Variants in MYH9 observed in about 807,000 individuals in gnomAD.
MYH9 encodes the protein myosin heavy chain 9, also known as myosin-9.
In MYH9, 29 loss-of-function variants were observed where a neutral mutation model predicts 241.9. That is an observed-to-expected ratio of 0.12 (90% CI 0.09 to 0.16). The LOEUF (loss-of-function observed/expected upper bound fraction) is 0.16. Among genes scored for constraint, MYH9 ranks in the 10% least tolerant of loss-of-function variants. MYH9 has a pLI of 1.00. For synonymous variants in MYH9, 1,047 were observed against 1,062.6 expected, an observed-to-expected ratio of 0.99 and a Z score of 0.29; for missense variants, 1,803 against 2,595.5, an observed-to-expected ratio of 0.69 and a Z score of 6.63.
Position 36,319,527 on chromosome 22 carries a change from C to A in MYH9, c.1108+13G>T. 1 of 1,613,366 alleles carries A rather than the reference C, an allele frequency of 6.2e-7. No homozygotes were observed. The highest frequency in any genetic ancestry group is 8.5e-7 in the Non-Finnish European group (1 of 1,179,324). ...CTGCCCCATTATTTCCAGCGAGAGG[C>A]CCCGGGTGTTACCTGTGTTGTCGGG... On this transcript the variant is annotated intron_variant, in intron 10 of 40. Transcript: ENST00000216181.
At chr22:36,358,450 T>C (rs1299827853) in intron 1 of MYH9, among the ~76,000 whole-genome samples, 2 of 152,132 alleles carry the variant, frequency 1.3e-5, no homozygotes, top group Non-Finnish European at 2.9e-5. Context: ...GACAGCCGGA[T>C]TATTTCCCGC....
rs1001258445 is a variant in MYH9 at position 36,282,614 on chromosome 22, G to A, written c.*54C>T. 2 of 1,533,382 alleles carry A rather than the reference G, an allele frequency of 1.3e-6. No homozygotes were observed. Among genetic ancestry groups the A allele is most frequent in the African/African-American group, 2.7e-5 (2 of 73,360 alleles). 95.0% of individuals were successfully genotyped at this position (1,533,382 alleles called of 1,614,324 possible). On this transcript the variant is annotated 3_prime_UTR_variant, in exon 41 of 41. Transcript: ENST00000216181. ...AGAGGCGTGCTGCGGGGTCTGGGAA[G>A]GGGAGGCTGTGGTGTCTGTCTGTCC... is the stretch of plus-strand genomic sequence containing the variant.
Position 36,300,080 on chromosome 22 carries a change from T to A in MYH9, c.2976+47A>T. 1 of 1,603,758 alleles carries A rather than the reference T, an allele frequency of 6.2e-7. No individual in the cohort carries two copies. Among genetic ancestry groups the A allele is most frequent in the Non-Finnish European group, 8.5e-7 (1 of 1,179,868 alleles). ...CTGCAAGGGTGACCACACTCTCCCA[T>A]CCACGGCGCCCCTGGAGCAGCGGCA... On this transcript the variant is annotated intron_variant, in intron 23 of 40. Transcript: ENST00000216181. The surrounding 1 kb of genome is among the most constrained non-coding windows in gnomAD (Gnocchi z 5.0).
chr22:36,380,722 C>T (rs560472825), intron 1 of MYH9, among the ~76,000 whole-genome samples: 1 of 151,836 alleles, frequency 6.6e-6, no homozygotes, highest in Non-Finnish European at 1.5e-5. Flanking sequence ...GCCTGGGCAA[C>T]AGAGTGAGAC....
At position 36,305,178 on chromosome 22, in the gene MYH9, T is replaced by C. The variant is rs1206033898; in HGVS notation, c.2160-76A>G. On this transcript the variant is annotated intron_variant, in intron 17 of 40. Transcript: ENST00000216181. The surrounding 1 kb of genome is among the most constrained non-coding windows in gnomAD (Gnocchi z 4.7). Reference sequence around the variant, plus strand: ...CATGCCTGGAATATAGGCGAGAGATTAACATCATTTCTACAATGCAACAGA... The same window carrying C: ...CATGCCTGGAATATAGGCGAGAGATCAACATCATTTCTACAATGCAACAGA... 2 of 1,249,710 alleles carry C rather than the reference T, an allele frequency of 1.6e-6. No homozygotes were observed. The highest frequency in any genetic ancestry group is 2.4e-6 in the Non-Finnish European group (2 of 850,932). The allele number at this position is 1,249,710 out of a possible 1,614,324, so 77.4% of individuals were successfully genotyped here.
At chr22:36,376,086 C>A (rs1199865964) in intron 1 of MYH9, among the ~76,000 whole-genome samples, 1 of 150,476 alleles carries the variant, frequency 6.6e-6, no homozygotes, top group African/African-American at 2.4e-5. Context: ...CTCAGCCACT[C>A]CAGTAGCAGG....
At chr22:36,309,955 A>C (rs1201502175) in intron 14 of MYH9, among the ~76,000 whole-genome samples, 1 of 152,164 alleles carries the variant, frequency 6.6e-6, no homozygotes, top group African/African-American at 2.4e-5. Context: ...TTCTCATTTT[A>C]AATAGAGATA....
At position 36,292,105 on chromosome 22, in the gene MYH9, C is replaced by T. The variant is rs34292387; in HGVS notation, c.4225G>A (p.Asp1409Asn). The T allele has an allele frequency of 5.9e-4, 954 of 1,614,074 alleles. 2 individuals are homozygous for T. The highest frequency in any genetic ancestry group is 7.4e-4 in the Non-Finnish European group (873 of 1,180,056). The change falls in exon 31 of 41, where the codon GAC becomes AAC. Residue 1409 changes from aspartate (D) to asparagine (N), a missense_variant. Coordinates refer to ENST00000216181, the MANE Select transcript of MYH9 (RefSeq NM_002473.6). ...QRHEEKVAAY[D>N]KLEKTKTRLQ... ...CGCGTCTTGGTCTTCTCCAGCTTGTCGTAGGCGGCCACCTTCTCCTCGTGC... is the reference window on the plus strand; with the variant it reads ...CGCGTCTTGGTCTTCTCCAGCTTGTTGTAGGCGGCCACCTTCTCCTCGTGC...
chr22:36,326,549 C>T lies in MYH9; in HGVS notation c.612+19G>A. 6.2e-7 allele frequency: 1 copy of T among 1,611,802 alleles called. No individual in the cohort carries two copies. Among genetic ancestry groups the T allele is most frequent in the Non-Finnish European group, 8.5e-7 (1 of 1,177,840 alleles). ...AAGGCCAAGCAGGCGGCCACAGGGA[C>T]AAGGGCTGCAGCACTCACCTGGTCC... is the stretch of plus-strand genomic sequence containing the variant. On this transcript the variant is annotated intron_variant, in intron 5 of 40. Coordinates refer to ENST00000216181, the MANE Select transcript of MYH9 (RefSeq NM_002473.6).
intron 10 of MYH9, among the ~76,000 whole-genome samples, chr22:36,318,824 C>T (rs1038401156): frequency 6.6e-6 from 1 of 151,766 alleles, no homozygotes; most frequent in Non-Finnish European, 1.5e-5. Context: ...AGTGCAGTGG[C>T]GCGATTTCGG....
At chr22:36,334,690 G>T (rs148370753) in intron 3 of MYH9, among the ~76,000 whole-genome samples, 4 of 152,324 alleles carry the variant, frequency 2.6e-5, no homozygotes, top group Non-Finnish European at 5.9e-5. Flanking sequence ...GCGATTTGAA[G>T]CCTCCGTGGA....
intron 1 of MYH9, among the ~76,000 whole-genome samples, chr22:36,358,453 T>C (rs2017890098): frequency 6.6e-6 from 1 of 152,156 alleles, no homozygotes; most frequent in Non-Finnish European, 1.5e-5. Flanking sequence ...AGCCGGATTA[T>C]TTCCCGCCCA....
Position 36,305,751 on chromosome 22 carries a change from T to C in MYH9, c.2159+179A>G, listed in dbSNP as rs1241479042. 6.6e-6 allele frequency among the ~76,000 whole-genome samples: 1 copy of C among 152,200 alleles called. No homozygotes were observed. Among genetic ancestry groups the C allele is most frequent in the Non-Finnish European group, 1.5e-5 (1 of 68,028 alleles). ...CGGTATTAAAATGGGGAAGTCTCCT[T>C]TCCTGCAAAGGGTGGAAAAGAGAAG... On this transcript the variant is annotated intron_variant, in intron 17 of 40. Transcript: ENST00000216181. This position sits in a 1 kb window ranked among gnomAD's most constrained non-coding sequence, Gnocchi z 4.7.
At chr22:36,337,988 C>T (rs560127460) in intron 3 of MYH9, among the ~76,000 whole-genome samples, 1 of 151,526 alleles carries the variant, frequency 6.6e-6, no homozygotes, top group South Asian at 2.1e-4. Context: ...AAAGAAGGAA[C>T]TTTCTTTTCT....
chr22:36,322,474 G>A lies in MYH9; in HGVS notation c.660C>T (p.Ala220=), dbSNP rs2017269967. The change falls in exon 6 of 41, where the codon GCC becomes GCT. Residue 220 remains alanine, a synonymous_variant. Transcript: ENST00000216181. The part of the protein sequence containing the change: ...QLLQANPILE[A]FGNAKTVKND... ...TCTTCACGGTCTTGGCGTTCCCGAA[G>A]GCCTCCAGGATGGGGTTGGCCTGCA... The A allele has an allele frequency of 6.2e-7, 1 of 1,613,856 alleles. No homozygotes were observed. Among genetic ancestry groups the A allele is most frequent in the Non-Finnish European group, 8.5e-7 (1 of 1,180,002 alleles).
chr22:36,331,578 C>T (rs557944588), intron 3 of MYH9, among the ~76,000 whole-genome samples: 2 of 152,224 alleles, frequency 1.3e-5, no homozygotes, highest in Non-Finnish European at 2.9e-5. Flanking sequence ...GCCTCACTTC[C>T]TCTGTGAGAG....
chr22:36,320,992 AC>A lies in MYH9; in HGVS notation c.770-97del. 2 of 1,009,400 alleles carry A rather than the reference AC, an allele frequency of 2.0e-6. No individual in the cohort carries two copies. The highest frequency in any genetic ancestry group is 3.0e-6 in the Non-Finnish European group (2 of 672,766). 62.5% of individuals were successfully genotyped at this position (1,009,400 alleles called of 1,614,324 possible). On this transcript the variant is annotated intron_variant, in intron 7 of 40. Coordinates refer to ENST00000216181, the MANE Select transcript of MYH9 (RefSeq NM_002473.6). This position sits in a 1 kb window ranked among gnomAD's most constrained non-coding sequence, Gnocchi z 4.8. The stretch of plus-strand genomic sequence containing the variant: ...TTTGGAGACAGAGTCTCGCTCTGTC[AC>A]CCAGGTTGGAGTGCAGTGGCATGAT...
intron 6 of MYH9, 159 bp from the exon 7 acceptor site, chr22:36,321,980 C>G: frequency 7.0e-6 from 5 of 710,940 alleles, no homozygotes; most frequent in Non-Finnish European, 1.0e-5. Context: ...GGGCCCCCTA[C>G]GCCCACACCA....
intron 1 of MYH9, among the ~76,000 whole-genome samples, chr22:36,380,504 G>A (rs992478507): frequency 6.6e-6 from 1 of 152,194 alleles, no homozygotes; most frequent in Non-Finnish European, 1.5e-5. Flanking sequence ...ACTTCGGGAG[G>A]CCAAGCCAGG....
Sources: gnomAD v4.1 joint callset for allele counts (sites outside exome capture counted in the v4.1 genomes callset) on GRCh38, gnomAD v4.1.1 for gene constraint, Gnocchi (gnomAD v3.1) non-coding constraint, MANE v1.5 for transcripts, NCBI Gene and HGNC (gene_info 2026-07-23, HGNC 2026-07-21) for gene names.